Variants in TRAPPC9 observed in about 807,000 individuals in gnomAD.
The protein encoded by TRAPPC9 is IKK2 binding protein.
In TRAPPC9, 83 loss-of-function variants were observed where a neutral mutation model predicts 124.0. That is an observed-to-expected ratio of 0.67 (90% CI 0.56 to 0.80). The LOEUF (loss-of-function observed/expected upper bound fraction) is 0.80, where lower values mean the gene tolerates loss of function less well. Among genes scored for constraint, TRAPPC9 ranks in the 30% least tolerant of loss-of-function variants. The probability of loss-of-function intolerance (pLI) is 0.00; values close to 1 mark genes in which losing one functional copy is unlikely to be tolerated. For missense variants in TRAPPC9, 1,302 were observed against 1,508.3 expected (o/e 0.86, Z 2.27); for synonymous variants, 638 against 617.5 (o/e 1.03, Z -0.49).
rs967560313 is a variant in TRAPPC9, at chr8:140,104,317, G to A, written c.2557-80238C>T. Reference sequence around the variant, plus strand: ...CGCTCTGCAATGGGTCTTGAAGAACGAGGCATTTTCTAGGAAGATCAATGA... The same window carrying A: ...CGCTCTGCAATGGGTCTTGAAGAACAAGGCATTTTCTAGGAAGATCAATGA... On this transcript the variant is annotated intron_variant, in intron 17 of 22. Transcript: ENST00000438773. This position sits in a 1 kb window ranked among gnomAD's most constrained non-coding sequence, Gnocchi z 4.0. Among the ~76,000 whole-genome samples, 4 of 152,256 alleles carry A rather than the reference G, an allele frequency of 2.6e-5. No individual in the cohort carries two copies. Among genetic ancestry groups the A allele is most frequent in the Admixed American group, 6.5e-5 (1 of 15,306 alleles).
chr8:140,272,130 C>T (rs200787678), intron 15 of TRAPPC9, among the ~76,000 whole-genome samples: 6,770 of 100,360 alleles, frequency 0.067, 518 homozygotes, highest in African/African-American at 0.21. Context: ...GTGATGGTGG[C>T]GATGGTGATG....
chr8:140,303,473 G>T (rs1282561986), intron 10 of TRAPPC9, among the ~76,000 whole-genome samples: 1 of 152,180 alleles, frequency 6.6e-6, no homozygotes, highest in East Asian at 1.9e-4. Context: ...TTTTTGCAGA[G>T]AATTCCATAG....
chr8:140,008,160 G>A lies in TRAPPC9; in HGVS notation c.2699+15777C>T, dbSNP rs186771088. Among the ~76,000 whole-genome samples the A allele has an allele frequency of 1.2e-4, 19 of 152,316 alleles. No individual in the cohort carries two copies. The East Asian group carries it at 3.7e-3, about 29-fold the overall frequency. Reference sequence around the variant, plus strand: ...CAGGGCACACAAGACAATAGGTAAGGGATGGGATGAAGCAGATACATTGAA... The same window carrying A: ...CAGGGCACACAAGACAATAGGTAAGAGATGGGATGAAGCAGATACATTGAA... On this transcript the variant is annotated intron_variant, in intron 18 of 22. Coordinates refer to ENST00000438773, the MANE Select transcript of TRAPPC9 (RefSeq NM_001160372.4).
chr8:140,404,238 T>C (rs931169795), intron 6 of TRAPPC9, among the ~76,000 whole-genome samples: 5 of 151,974 alleles, frequency 3.3e-5, no homozygotes, highest in African/African-American at 1.2e-4. Flanking sequence ...TCTAGAAAAA[T>C]TGAACCTAAA....
chr8:140,338,718 G>C (rs186999477), intron 9 of TRAPPC9, among the ~76,000 whole-genome samples: 2 of 150,786 alleles, frequency 1.3e-5, no homozygotes, highest in South Asian at 2.1e-4. Flanking sequence ...ACAGGCCGAC[G>C]GGAAACGGCT....
At chr8:140,171,566 A>C (rs1232939100) in intron 17 of TRAPPC9, among the ~76,000 whole-genome samples, 6 of 152,216 alleles carry the variant, frequency 3.9e-5, no homozygotes, top group Non-Finnish European at 8.8e-5. Context: ...TACAGCAAGA[A>C]TCACAAACAG....
At chr8:140,141,358 C>A (rs963126391) in intron 17 of TRAPPC9, among the ~76,000 whole-genome samples, 1 of 152,232 alleles carries the variant, frequency 6.6e-6, no homozygotes, top group Non-Finnish European at 1.5e-5. Context: ...GGCGCATCCA[C>A]ACTGTAGACA....
chr8:140,135,594 G>A (rs2061289397), intron 17 of TRAPPC9, among the ~76,000 whole-genome samples: 2 of 152,150 alleles, frequency 1.3e-5, no homozygotes, highest in Admixed American at 6.5e-5. Flanking sequence ...CAAATCCATA[G>A]AGACAGAAAG....
chr8:140,375,132 G>A (rs2068399376), intron 7 of TRAPPC9, among the ~76,000 whole-genome samples: 1 of 152,168 alleles, frequency 6.6e-6, no homozygotes, highest in South Asian at 2.1e-4. Flanking sequence ...GAGCCGGGGA[G>A]TACAAAATGG....
chr8:140,067,703 A>T (rs1231597786), intron 17 of TRAPPC9, among the ~76,000 whole-genome samples: 2 of 152,208 alleles, frequency 1.3e-5, no homozygotes, highest in Non-Finnish European at 2.9e-5. Flanking sequence ...CAATATAAAC[A>T]CAGTAAAGGG....
chr8:139,996,566 T>C (rs1321923782), intron 18 of TRAPPC9, among the ~76,000 whole-genome samples: 2 of 150,704 alleles, frequency 1.3e-5, no homozygotes, highest in African/African-American at 4.9e-5. Flanking sequence ...AACACTCTTA[T>C]GGGACAACGA....
chr8:139,830,553 A>C (rs926010081), intron 21 of TRAPPC9, among the ~76,000 whole-genome samples: 2 of 151,360 alleles, frequency 1.3e-5, no homozygotes, highest in African/African-American at 4.9e-5. Flanking sequence ...CAAACGAGCA[A>C]GCACATGCAA....
intron 21 of TRAPPC9, among the ~76,000 whole-genome samples, chr8:139,849,627 C>A (rs1001343142): frequency 6.6e-6 from 1 of 152,214 alleles, no homozygotes; most frequent in Non-Finnish European, 1.5e-5. Context: ...CAATAATGCG[C>A]CATATGGTGT....
intron 16 of TRAPPC9, among the ~76,000 whole-genome samples, chr8:140,231,741 C>A (rs1033177991): frequency 6.7e-6 from 1 of 149,808 alleles, no homozygotes; most frequent in Non-Finnish European, 1.5e-5. Flanking sequence ...GTCCCTGGAA[C>A]TGACTTTGCT....
intron 21 of TRAPPC9, among the ~76,000 whole-genome samples, chr8:139,791,407 TCA>T (rs905787603): frequency 1.5e-5 from 2 of 134,738 alleles, no homozygotes; most frequent in South Asian, 4.5e-4. Context: ...CTGCACAGAC[TCA>T]CACACACACT....
At position 140,063,523 on chromosome 8, in the gene TRAPPC9, G is replaced by A. The variant is rs1842747518; in HGVS notation, c.2557-39444C>T. Among the ~76,000 whole-genome samples the A allele has an allele frequency of 6.6e-6, 1 of 152,100 alleles. No homozygotes were observed. Among genetic ancestry groups the A allele is most frequent in the Non-Finnish European group, 1.5e-5 (1 of 68,020 alleles). ...TGCCTTATCCAAGCCTATACCATAAGAGGCCCAGGAGAAATGTTTGTTGAA... is the reference window on the plus strand; with the variant it reads ...TGCCTTATCCAAGCCTATACCATAAAAGGCCCAGGAGAAATGTTTGTTGAA... On this transcript the variant is annotated intron_variant, in intron 17 of 22. Coordinates refer to ENST00000438773, the MANE Select transcript of TRAPPC9 (RefSeq NM_001160372.4). The surrounding 1 kb of genome is among the most constrained non-coding windows in gnomAD (Gnocchi z 4.3).
chr8:139,829,882 G>C (rs1279247500), intron 21 of TRAPPC9, among the ~76,000 whole-genome samples: 1 of 152,222 alleles, frequency 6.6e-6, no homozygotes, highest in Non-Finnish European at 1.5e-5. Context: ...CACACGCCTA[G>C]TGAGTGACAG....
intron 19 of TRAPPC9, among the ~76,000 whole-genome samples, chr8:139,973,733 T>C (rs539253698): frequency 2.0e-5 from 3 of 151,982 alleles, no homozygotes; most frequent in East Asian, 1.9e-4. Context: ...CTGAGAAAGG[T>C]TTTCCTTCCC....
intron 19 of TRAPPC9, chr8:139,916,723 A>T (rs1445870701): frequency 6.6e-6 from 1 of 152,278 alleles, no homozygotes; most frequent in Non-Finnish European, 1.5e-5. Flanking sequence ...CTATAAAAAA[A>T]TGGTGGTTTT....
Sources: allele counts gnomAD v4.1 joint callset (sites outside exome capture counted in the v4.1 genomes callset), GRCh38; gene constraint gnomAD v4.1.1; non-coding constraint Gnocchi (gnomAD v3.1); transcripts MANE v1.5; gene names NCBI Gene and HGNC (gene_info 2026-07-23, HGNC 2026-07-21).